HSPA12A: variants seen among roughly 807,000 people sequenced by gnomAD.
HSPA12A encodes the protein heat shock 70 kDa protein 12A.
HSPA12A carries 28 observed loss-of-function variants against 69.2 expected under a neutral mutation model. The observed-to-expected ratio is 0.40, with a 90% CI of 0.30 to 0.55. The LOEUF (loss-of-function observed/expected upper bound fraction) is 0.55. HSPA12A is among the 20% of genes least tolerant of loss of function. HSPA12A has a pLI of 0.38. For missense variants in HSPA12A, 686 were observed against 900.7 expected (o/e 0.76, Z 3.05); for synonymous variants, 345 against 370.5 (o/e 0.93, Z 0.79).
At chr10:116,756,555 C>T (rs766393163) in intron 2 of HSPA12A, among the ~76,000 whole-genome samples, 7 of 152,232 alleles carry the variant, frequency 4.6e-5, no homozygotes, top group East Asian at 1.9e-4. Context: ...CTCTGGGCAC[C>T]GGCCCATGTG....
At chr10:116,763,933 A>C (rs1471829568) in intron 2 of HSPA12A, among the ~76,000 whole-genome samples, 4 of 152,082 alleles carry the variant, frequency 2.6e-5, no homozygotes, top group African/African-American at 4.8e-5. Flanking sequence ...CACTGATAGG[A>C]CCATGGCGTT....
In HSPA12A at chr10:116,681,854, G is replaced by T; in HGVS notation, c.859C>A (p.Arg287=). The change falls in exon 8 of 12, where the codon CGG becomes AGG. Residue 287 remains arginine (R), a synonymous_variant. Coordinates refer to ENST00000369209, the MANE Select transcript of HSPA12A (RefSeq NM_025015.3). ...TCCACCAAAAAGGTCCGACTCTGCC[G>T]ATTACGCCGTATGTGTTCCTTAGCT... The part of the protein sequence containing the change: ...TQAKEHIRRN[R]QSRTFLVENV... 1 of 1,614,128 alleles carries T rather than the reference G, an allele frequency of 6.2e-7. No individual in the cohort carries two copies. The highest frequency in any genetic ancestry group is 8.5e-7 in the Non-Finnish European group (1 of 1,179,998).
chr10:116,718,647 GC>G (rs1850681626), intron 1 of HSPA12A, among the ~76,000 whole-genome samples: 1 of 152,258 alleles, frequency 6.6e-6, no homozygotes, highest in Admixed American at 6.5e-5. Context: ...AGGTAAGTGT[GC>G]TATTTTCTTA....
At chr10:116,755,749 C>CA (rs1445747075) in intron 2 of HSPA12A, among the ~76,000 whole-genome samples, 1 of 148,666 alleles carries the variant, frequency 6.7e-6, no homozygotes. Flanking sequence ...AGGCGAATGG[C>CA]ATGAGCCCAG....
At chr10:116,704,037 T>C (rs1458683359) in intron 3 of HSPA12A, among the ~76,000 whole-genome samples, 3 of 152,214 alleles carry the variant, frequency 2.0e-5, no homozygotes, top group Admixed American at 6.5e-5. Context: ...GTTCAACCAT[T>C]GTGGAAGTCA....
intron 2 of HSPA12A, 94 bp from the exon 3 acceptor site, chr10:116,705,372 A>AC: frequency 1.4e-6 from 2 of 1,392,426 alleles, no homozygotes; most frequent in Admixed American, 3.4e-5. Flanking sequence ...CTAGCTGTGA[A>AC]CCCCCTGCAG....
chr10:116,834,202 C>A (rs928035875), intron 2 of HSPA12A, among the ~76,000 whole-genome samples: 1 of 152,196 alleles, frequency 6.6e-6, no homozygotes, highest in Admixed American at 6.5e-5. Flanking sequence ...GGCTTGTCAC[C>A]GGTTGCACTG....
intron 1 of HSPA12A, among the ~76,000 whole-genome samples, chr10:116,717,740 C>G (rs1554883950): frequency 6.6e-6 from 1 of 152,162 alleles, no homozygotes; most frequent in African/African-American, 2.4e-5. Context: ...CACAATGACA[C>G]AAGCAGAGCC....
intron 4 of HSPA12A, among the ~76,000 whole-genome samples, chr10:116,699,599 C>T (rs1301235926): frequency 6.6e-6 from 1 of 152,148 alleles, no homozygotes. Context: ...ATGTGGAGCC[C>T]GTCTGTGGCA....
At position 116,755,914 on chromosome 10, in the gene HSPA12A, C is replaced by G. The variant is rs1435091756; in HGVS notation, c.92-48629G>C. ...GCTGAAGTGGGAGGATCACCTGAGCCTGGGGAGGTTGAGGCCGCAGTGAGC... is the reference window on the plus strand; with the variant it reads ...GCTGAAGTGGGAGGATCACCTGAGCGTGGGGAGGTTGAGGCCGCAGTGAGC... On this transcript the variant is annotated intron_variant, in intron 2 of 12. Coordinates refer to the HSPA12A transcript ENST00000635765. Among the ~76,000 whole-genome samples the G allele has an allele frequency of 2.0e-5, 3 of 151,844 alleles. No individual in the cohort carries two copies. The East Asian group carries it at 5.8e-4, about 29-fold the overall frequency.
intron 2 of HSPA12A, among the ~76,000 whole-genome samples, chr10:116,758,544 A>G (rs1265014100): frequency 6.6e-6 from 1 of 152,158 alleles, no homozygotes; most frequent in African/African-American, 2.4e-5. Flanking sequence ...CAGGGAAGTC[A>G]TGGGTTACAG....
At chr10:116,679,267 G>A (rs1379063229) in intron 10 of HSPA12A, among the ~76,000 whole-genome samples, 3 of 152,202 alleles carry the variant, frequency 2.0e-5, no homozygotes, top group Non-Finnish European at 1.5e-5. Context: ...ATTGTTCTAA[G>A]CACCCAACAT....
intron 2 of HSPA12A, among the ~76,000 whole-genome samples, chr10:116,786,980 C>G (rs1160334305): frequency 1.8e-5 from 2 of 109,088 alleles, no homozygotes; most frequent in Admixed American, 1.2e-4. Flanking sequence ...CAATCACCTC[C>G]CGGACACACA....
intron 2 of HSPA12A, among the ~76,000 whole-genome samples, chr10:116,805,571 C>T (rs898651970): frequency 4.4e-4 from 67 of 152,042 alleles, no homozygotes; most frequent in Non-Finnish European, 3.2e-4. Flanking sequence ...AAGCTGTTTC[C>T]GTTGATGTTG....
chr10:116,796,486 T>C (rs1294100884), intron 2 of HSPA12A, among the ~76,000 whole-genome samples: 4 of 152,154 alleles, frequency 2.6e-5, no homozygotes, highest in African/African-American at 9.7e-5. Context: ...GACCCCACGC[T>C]GTCCCTGCCC....
chr10:116,692,152 C>G (rs1266851377), intron 6 of HSPA12A, among the ~76,000 whole-genome samples, 199 bp downstream of exon 6: 1 of 152,174 alleles, frequency 6.6e-6, no homozygotes, highest in Non-Finnish European at 1.5e-5. Flanking sequence ...GGGACTGACC[C>G]CCATGGCTCC....
At chr10:116,731,703 T>A (rs1254255516) in intron 1 of HSPA12A, among the ~76,000 whole-genome samples, 1 of 152,210 alleles carries the variant, frequency 6.6e-6, no homozygotes, top group African/African-American at 2.4e-5. Context: ...TTCAGACACC[T>A]GTACTGTTAA....
At chr10:116,830,416 C>T (rs1176455134) in intron 2 of HSPA12A, 3 of 152,120 alleles carry the variant, frequency 2.0e-5, no homozygotes, top group African/African-American at 7.2e-5. Flanking sequence ...CACATATATA[C>T]ATATTGTTAA....
intron 4 of HSPA12A, among the ~76,000 whole-genome samples, chr10:116,699,760 C>T (rs1382743557): frequency 6.6e-6 from 1 of 152,192 alleles, no homozygotes; most frequent in Non-Finnish European, 1.5e-5. Context: ...TGAAAAAAAT[C>T]CCTGTGCTTC....
Sources: allele counts gnomAD v4.1 joint callset (sites outside exome capture counted in the v4.1 genomes callset), GRCh38; gene constraint gnomAD v4.1.1; transcripts MANE v1.5; gene names NCBI Gene and HGNC (gene_info 2026-07-23, HGNC 2026-07-21).